Variants in XRCC5 observed in about 807,000 individuals in gnomAD.
XRCC5 encodes the protein DNA repair protein Ku80.
XRCC5 carries 12 observed loss-of-function variants against 95.7 expected under a neutral mutation model. The observed-to-expected ratio is 0.13, with a 90% CI of 0.08 to 0.20. The LOEUF (loss-of-function observed/expected upper bound fraction) is 0.20. XRCC5 is among the 10% of genes least tolerant of loss of function. The pLI is 1.00. For synonymous variants in XRCC5, 281 were observed against 290.3 expected (o/e 0.97, Z 0.33); for missense variants, 595 against 873.9 (o/e 0.68, Z 4.02).
At chr2:216,181,364 C>T (rs1689383125) in intron 16 of XRCC5, among the ~76,000 whole-genome samples, 1 of 152,118 alleles carries the variant, frequency 6.6e-6, no homozygotes, top group Non-Finnish European at 1.5e-5. Flanking sequence ...TCTGGGTCAG[C>T]CCTTATTAAT....
At chr2:216,133,009 C>T (rs1697019296) in intron 10 of XRCC5, among the ~76,000 whole-genome samples, 2 of 152,126 alleles carry the variant, frequency 1.3e-5, no homozygotes, top group Admixed American at 1.3e-4. Flanking sequence ...GAAGTATTTG[C>T]ATTTGTAATT....
At chr2:216,175,464 T>G in intron 16 of XRCC5, 1 of 512,394 alleles carries the variant, frequency 2.0e-6, no homozygotes, top group Non-Finnish European at 3.9e-6. Flanking sequence ...ACAGTTGTGC[T>G]TGTTAATAGT....
chr2:216,113,099 G>A lies in XRCC5; in HGVS notation c.105G>A (p.Lys35=), dbSNP rs756226383. The A allele has an allele frequency of 2.1e-5, 34 of 1,613,950 alleles. No individual in the cohort carries two copies. Among genetic ancestry groups the A allele is most frequent in the Non-Finnish European group, 2.8e-5 (33 of 1,179,948 alleles). The part of the protein sequence containing the change: ...PGIESPFEQA[K]KVITMFVQRQ... ...TAGAATCCCCATTTGAACAAGCAAA[G>A]AAGGTGATAACCATGTTTGTACAGC... Residue 35 remains lysine, a synonymous_variant, in exon 2 of 21, where the codon AAG becomes AAA. Coordinates refer to ENST00000392132, the MANE Select transcript of XRCC5 (RefSeq NM_021141.4).
chr2:216,119,026 A>AT lies in XRCC5; in HGVS notation c.369-16dup. 1 of 1,612,312 alleles carries AT rather than the reference A, an allele frequency of 6.2e-7. No homozygotes were observed. The highest frequency in any genetic ancestry group is 8.5e-7 in the Non-Finnish European group (1 of 1,178,728). On this transcript the variant is annotated splice_polypyrimidine_tract_variant and intron_variant, in intron 4 of 20. Transcript: ENST00000392132. ...TTCAGGAGAATGATTTCTTAATATG[A>AT]TAACTCTCTCTTTTAGAGGAAAGAA...
At position 216,206,276 on chromosome 2, in the gene XRCC5, G is replaced by A. The variant is rs1054413072; in HGVS notation, c.*1074G>A. ...TACATGTAACATTAAAGGCATAAAT[G>A]ACTCATCTCTCTGTGAATTGCTGCT... On this transcript the variant is annotated 3_prime_UTR_variant, in exon 21 of 21. Transcript: ENST00000392132. 1 of 152,172 alleles carries A rather than the reference G, an allele frequency of 6.6e-6. No individual in the cohort carries two copies. Among genetic ancestry groups the A allele is most frequent in the Non-Finnish European group, 1.5e-5 (1 of 68,034 alleles). 9.4% of individuals were successfully genotyped at this position (152,172 alleles called of 1,614,324 possible). A position where few individuals can be genotyped will look rare whatever the true frequency, so the allele number is the denominator to read the frequency against.
At chr2:216,202,501 TATCTTTATTCATAATCACCCAGA>T (rs1689852801) in intron 19 of XRCC5, among the ~76,000 whole-genome samples, 1 of 152,238 alleles carries the variant, frequency 6.6e-6, no homozygotes, top group Admixed American at 6.5e-5. Context: ...GGCTGTCAGA[TATCTTTATTCATAATCACCCAGA>T]ATAAACAGAA....
chr2:216,193,533 C>G (rs978246500), intron 18 of XRCC5, among the ~76,000 whole-genome samples: 1 of 152,202 alleles, frequency 6.6e-6, no homozygotes, highest in Non-Finnish European at 1.5e-5. Flanking sequence ...CTTCATCACA[C>G]AGGTAACTGT....
chr2:216,117,021 G>A (rs529523947), intron 3 of XRCC5, 179 bp downstream of exon 3: 29 of 667,406 alleles, frequency 4.3e-5, no homozygotes, highest in African/African-American at 4.2e-4. Context: ...TTAAAACAGT[G>A]CCTGGGCTCC....
Position 216,109,580 on chromosome 2 carries a change from T to C in XRCC5, c.21+123T>C, listed in dbSNP as rs535717936. 5 of 1,437,520 alleles carry C rather than the reference T, an allele frequency of 3.5e-6. No homozygotes were observed. In the African/African-American group the frequency reaches 7.1e-5, roughly 20 times the overall value. 89.0% of individuals were successfully genotyped at this position (1,437,520 alleles called of 1,614,324 possible). On this transcript the variant is annotated intron_variant, in intron 1 of 20. Coordinates refer to ENST00000392132, the MANE Select transcript of XRCC5 (RefSeq NM_021141.4). ...ATGGGGCAAGAGAAGATCATGGTGG[T>C]GGGCTCAGTCAGGAGGGCCGGGACC...
At position 216,113,022 on chromosome 2, in the gene XRCC5, G is replaced by A; in HGVS notation, c.28G>A (p.Val10Ile). Residue 10 changes from valine (V) to isoleucine (I), a missense_variant, in exon 2 of 21, where the codon GTT becomes ATT. Physicochemically the swap from Val to Ile is conservative, Grantham distance 29. This residue lies in a region of XRCC5 where 286 missense variants were observed against 491.1 expected (regional missense o/e 0.58). Coordinates refer to ENST00000392132, the MANE Select transcript of XRCC5 (RefSeq NM_021141.4). ...TTTGGAACTTTGTTTCCAGGCAGCT[G>A]TTGTGCTGTGTATGGACGTGGGCTT... is the stretch of plus-strand genomic sequence containing the variant. MVRSGNKAA[V>I]VLCMDVGFTM... is the part of the protein sequence containing the mutation. 1 of 1,612,904 alleles carries A rather than the reference G, an allele frequency of 6.2e-7. No homozygotes were observed. Among genetic ancestry groups the A allele is most frequent in the Non-Finnish European group, 8.5e-7 (1 of 1,179,554 alleles).
At chr2:216,199,367 G>A (rs992359254) in intron 19 of XRCC5, among the ~76,000 whole-genome samples, 1 of 152,186 alleles carries the variant, frequency 6.6e-6, no homozygotes, top group Non-Finnish European at 1.5e-5. Flanking sequence ...TGGATTGTAT[G>A]ATTCTTTGAG....
chr2:216,192,621 C>A lies in XRCC5; in HGVS notation c.1945-18C>A. Reference sequence around the variant, plus strand: ...TGCTCTGACTTGCTGCCTCCTCTACCCCAACTTGCTACCACAGTTTTCAGA... The same window carrying A: ...TGCTCTGACTTGCTGCCTCCTCTACACCAACTTGCTACCACAGTTTTCAGA... On this transcript the variant is annotated intron_variant, in intron 17 of 20. Coordinates refer to ENST00000392132, the MANE Select transcript of XRCC5 (RefSeq NM_021141.4). 1 of 1,564,294 alleles carries A rather than the reference C, an allele frequency of 6.4e-7. No individual in the cohort carries two copies. Among genetic ancestry groups the A allele is most frequent in the South Asian group, 1.2e-5 (1 of 81,238 alleles).
chr2:216,138,243 C>T, intron 12 of XRCC5, 64 bp downstream of exon 12: 1 of 1,454,544 alleles, frequency 6.9e-7, no homozygotes, highest in Non-Finnish European at 9.6e-7. Context: ...AATCACCTGT[C>T]TGCTAGTTGT....
At chr2:216,110,336 A>C (rs777353698) in intron 1 of XRCC5, 2 of 152,210 alleles carry the variant, frequency 1.3e-5, no homozygotes, top group African/African-American at 2.4e-5. Flanking sequence ...AATTTATTCA[A>C]TACAGATAAA....
intron 6 of XRCC5, among the ~76,000 whole-genome samples, chr2:216,125,224 T>C (rs1266394727): frequency 6.6e-6 from 1 of 150,462 alleles, no homozygotes; most frequent in Non-Finnish European, 1.5e-5. Flanking sequence ...TGAGACAAAG[T>C]TTCATTCTTG....
chr2:216,145,229 G>C (rs1688603617), intron 13 of XRCC5, among the ~76,000 whole-genome samples: 1 of 152,122 alleles, frequency 6.6e-6, no homozygotes, highest in African/African-American at 2.4e-5. Context: ...ATCCAGGAAG[G>C]CCACTTTTTT....
intron 16 of XRCC5, among the ~76,000 whole-genome samples, chr2:216,170,517 A>G (rs1338523130): frequency 6.6e-6 from 1 of 152,156 alleles, no homozygotes; most frequent in Non-Finnish European, 1.5e-5. Context: ...AGACACTTTT[A>G]AACCATGAGA....
At chr2:216,141,565 T>TTTTTTTTTTTTTTTTTTTTA (rs1697172586) in intron 13 of XRCC5, among the ~76,000 whole-genome samples, 1 of 55,198 alleles carries the variant, frequency 1.8e-5, no homozygotes, top group Non-Finnish European at 4.7e-5. Flanking sequence ...TTTTTTTTTT[T>TTTTTTTTTTTTTTTTTTTTA]TCCTGGAAGA....
In XRCC5 at chr2:216,163,062, C is replaced by T. The variant is rs571664816; in HGVS notation, c.1834+1014C>T. Among the ~76,000 whole-genome samples, 180 of 152,174 alleles carry T rather than the reference C, an allele frequency of 1.2e-3. 1 individual carries two copies. Among genetic ancestry groups the T allele is most frequent in the African/African-American group, 4.1e-3 (169 of 41,520 alleles). On this transcript the variant is annotated intron_variant, in intron 16 of 20. Coordinates refer to ENST00000392132, the MANE Select transcript of XRCC5 (RefSeq NM_021141.4). ...TGGCCTGTCTGCGAGCTGACTTCTACGTATGTGAGTGTTTATGTTTGTTCA... is the reference window on the plus strand; with the variant it reads ...TGGCCTGTCTGCGAGCTGACTTCTATGTATGTGAGTGTTTATGTTTGTTCA...
Sources: allele counts gnomAD v4.1 joint callset (sites outside exome capture counted in the v4.1 genomes callset), GRCh38; gene constraint gnomAD v4.1.1; regional missense constraint gnomAD v4.1.1; transcripts MANE v1.5; gene names NCBI Gene and HGNC (gene_info 2026-07-23, HGNC 2026-07-21).